VWA5B1: variants seen among roughly 807,000 people sequenced by gnomAD.
The protein encoded by VWA5B1 is von Willebrand factor A domain containing 5B1.
Under a neutral mutation model 118.2 loss-of-function variants are expected in VWA5B1, and 115 were observed. The ratio of observed to expected loss-of-function variants is 0.97; its 90% CI spans 0.84 to 1.14. The LOEUF (loss-of-function observed/expected upper bound fraction) is 1.14. Ranked by LOEUF, VWA5B1 falls within the 50% of genes most tolerant of loss-of-function variation. The pLI, the probability that VWA5B1 is intolerant of heterozygous loss-of-function variation, is 0.00. For missense variants in VWA5B1, 1,596 were observed against 1,603.8 expected, an observed-to-expected ratio of 1.00 and a Z score of 0.08; for synonymous variants, 682 against 658.4, an observed-to-expected ratio of 1.04 and a Z score of -0.55.
chr1:20,354,376 T>A lies in VWA5B1; in HGVS notation c.*113T>A. ...GAGCTGTAACTAATATTTCAGTTACTAGAAAGAGCCCTGGACTGGCAGCCA... is the reference window on the plus strand; with the variant it reads ...GAGCTGTAACTAATATTTCAGTTACAAGAAAGAGCCCTGGACTGGCAGCCA... On this transcript the variant is annotated 3_prime_UTR_variant, in exon 22 of 22. Transcript: ENST00000289815. 7.6e-7 allele frequency: 1 copy of A among 1,309,500 alleles called. No individual in the cohort carries two copies. Among genetic ancestry groups the A allele is most frequent in the Non-Finnish European group, 1.0e-6 (1 of 980,180 alleles). 81.1% of individuals were successfully genotyped at this position (1,309,500 alleles called of 1,614,324 possible). A position where few individuals can be genotyped will look rare whatever the true frequency, so the allele number is the denominator to read the frequency against.
At chr1:20,329,412 G>A (rs1041993530) in intron 9 of VWA5B1, among the ~76,000 whole-genome samples, 31 of 145,964 alleles carry the variant, frequency 2.1e-4, no homozygotes, top group Admixed American at 7.1e-4. Flanking sequence ...AGGTTCAAGC[G>A]ATTCTCCTGC....
intron 14 of VWA5B1, among the ~76,000 whole-genome samples, chr1:20,339,860 C>T (rs1307426837): frequency 1.3e-5 from 2 of 152,164 alleles, no homozygotes; most frequent in African/African-American, 2.4e-5. Flanking sequence ...GCCCCAGCTG[C>T]CTCATCTACA....
At chr1:20,351,973 C>T (rs1238142608) in intron 20 of VWA5B1, 82 bp from the exon 21 acceptor site, 3 of 1,084,000 alleles carry the variant, frequency 2.8e-6, no homozygotes, top group Non-Finnish European at 2.7e-6. Context: ...CTATTGCATT[C>T]CTTCTGACCC....
intron 3 of VWA5B1, among the ~76,000 whole-genome samples, chr1:20,314,015 G>A (rs1412387934): frequency 2.6e-5 from 4 of 152,180 alleles, no homozygotes; most frequent in East Asian, 1.9e-4. Flanking sequence ...GGTGGAGGAC[G>A]CTTCGATTTG....
chr1:20,318,222 A>G (rs2089085889), intron 5 of VWA5B1, among the ~76,000 whole-genome samples: 1 of 151,732 alleles, frequency 6.6e-6, no homozygotes, highest in South Asian at 2.1e-4. Context: ...CTAGAGCAAC[A>G]TTGCATTCCA....
At chr1:20,307,442 C>G (rs962973381) in intron 1 of VWA5B1, among the ~76,000 whole-genome samples, 1 of 152,250 alleles carries the variant, frequency 6.6e-6, no homozygotes, top group African/African-American at 2.4e-5. Context: ...GCCATTGAGG[C>G]ACCCCAAACC....
rs779474762 is a variant in VWA5B1, at chr1:20,318,617, G to T, written c.737G>T (p.Arg246Leu). The T allele has an allele frequency of 6.4e-7, 1 of 1,551,174 alleles. No individual in the cohort carries two copies. The highest frequency in any genetic ancestry group is 2.4e-5 in the East Asian group (1 of 40,896). ...AGVESPTHEI[R>L]ADAAPSARSA... is the part of the protein sequence containing the mutation. ...GTGGAGAGTCCCACTCATGAGATTC[G>T]TGCCGACGCCGCCCCATCTGCCCGC... The change falls in exon 6 of 22, where the codon CGT becomes CTT. Residue 246 changes from arginine (R) to leucine (L), a missense_variant. By Grantham distance (102) the Arg-to-Leu change is moderately radical. Coordinates refer to ENST00000289815, the MANE Select transcript of VWA5B1 (RefSeq NM_001039500.3).
chr1:20,318,730 C>T lies in VWA5B1; in HGVS notation c.841+9C>T. On this transcript the variant is annotated intron_variant, in intron 6 of 21. Coordinates refer to ENST00000289815, the MANE Select transcript of VWA5B1 (RefSeq NM_001039500.3). ...CCTCATCCACCCCAGCGGTACGGTGCCCCACAACGGGCCCCTGGGCTGCCT... is the reference window on the plus strand; with the variant it reads ...CCTCATCCACCCCAGCGGTACGGTGTCCCACAACGGGCCCCTGGGCTGCCT... 1 of 1,475,752 alleles carries T rather than the reference C, an allele frequency of 6.8e-7. No homozygotes were observed. Among genetic ancestry groups the T allele is most frequent in the Non-Finnish European group, 9.0e-7 (1 of 1,105,788 alleles). 91.4% of individuals were successfully genotyped at this position (1,475,752 alleles called of 1,614,324 possible).
intron 18 of VWA5B1, among the ~76,000 whole-genome samples, chr1:20,349,731 CTT>C (rs35309990): frequency 0.068 from 7,539 of 111,662 alleles, 210 homozygotes; most frequent in Admixed American, 0.095. Flanking sequence ...ACATTCCTGA[CTT>C]TTTTTTTTTT....
intron 4 of VWA5B1, 42 bp downstream of exon 4, chr1:20,314,634 C>T (rs902784650): frequency 1.3e-6 from 2 of 1,540,200 alleles, no homozygotes; most frequent in Non-Finnish European, 1.8e-6. Context: ...CCCAGGTGGG[C>T]AGCAGAGAGT....
intron 16 of VWA5B1, among the ~76,000 whole-genome samples, chr1:20,344,472 T>C (rs1172198892): frequency 6.6e-6 from 1 of 152,184 alleles, no homozygotes; most frequent in Non-Finnish European, 1.5e-5. Context: ...CATGAGTGCT[T>C]GACAAACTAG....
In VWA5B1 at chr1:20,313,003, A is replaced by G. The variant is rs747989742; in HGVS notation, c.292+15A>G. On this transcript the variant is annotated intron_variant, in intron 3 of 21. Transcript: ENST00000289815. ...AACAGTCACAGGTAAGGAGACCAGA[A>G]GGGCTGCCGCGGGACCTGGGTTTGG... 2 of 1,549,554 alleles carry G rather than the reference A, an allele frequency of 1.3e-6. No individual in the cohort carries two copies. Among genetic ancestry groups the G allele is most frequent in the East Asian group, 4.9e-5 (2 of 40,844 alleles).
At chr1:20,329,060 A>G (rs1236162365) in intron 9 of VWA5B1, among the ~76,000 whole-genome samples, 2 of 152,154 alleles carry the variant, frequency 1.3e-5, no homozygotes, top group Admixed American at 6.5e-5. Flanking sequence ...ATGGCTTCCT[A>G]GTATTTCACT....
chr1:20,346,540 T>G (rs999916147), intron 17 of VWA5B1, among the ~76,000 whole-genome samples: 25 of 152,250 alleles, frequency 1.6e-4, no homozygotes, highest in Admixed American at 1.6e-3. Context: ...AGAAGTAGGA[T>G]TGCAATGTCA....
chr1:20,325,612 C>G (rs1201761201), intron 8 of VWA5B1, among the ~76,000 whole-genome samples: 3 of 152,220 alleles, frequency 2.0e-5, no homozygotes, highest in Non-Finnish European at 4.4e-5. Flanking sequence ...CCTGTCCAAT[C>G]TTTGCATTCC....
intron 1 of VWA5B1, among the ~76,000 whole-genome samples, chr1:20,306,321 C>T (rs1286451210): frequency 2.0e-5 from 3 of 151,314 alleles, no homozygotes; most frequent in Admixed American, 6.6e-5. Flanking sequence ...GGGAAACCAG[C>T]GGGGGCTCAG....
chr1:20,312,723 A>G (rs1295517626), intron 2 of VWA5B1, 113 bp from the exon 3 acceptor site: 6 of 1,345,418 alleles, frequency 4.5e-6, no homozygotes, highest in Non-Finnish European at 5.8e-6. Flanking sequence ...GGCATCCAAT[A>G]AGCGGCAGTG....
intron 1 of VWA5B1, among the ~76,000 whole-genome samples, chr1:20,308,663 C>T (rs562240963): frequency 3.3e-5 from 5 of 152,296 alleles, no homozygotes; most frequent in South Asian, 4.1e-4. Context: ...AGCTCCCTCC[C>T]GGCTCTTTAT....
At chr1:20,293,977 C>T (rs2088359248) in intron 1 of VWA5B1, among the ~76,000 whole-genome samples, 1 of 151,988 alleles carries the variant, frequency 6.6e-6, no homozygotes, top group Non-Finnish European at 1.5e-5. Flanking sequence ...AGGTCTTCGT[C>T]GATCAATGTC....
Sources: allele counts gnomAD v4.1 joint callset (sites outside exome capture counted in the v4.1 genomes callset), GRCh38; gene constraint gnomAD v4.1.1; transcripts MANE v1.5; gene names NCBI Gene and HGNC (gene_info 2026-07-23, HGNC 2026-07-21).